GMDS: variants seen among roughly 807,000 people sequenced by gnomAD.
GMDS encodes GDP-mannose 4,6-dehydratase.
In GMDS, 20 loss-of-function variants were observed where a neutral mutation model predicts 49.9. That is an observed-to-expected ratio of 0.40 (90% CI 0.28 to 0.58). The LOEUF (loss-of-function observed/expected upper bound fraction) is 0.58, where lower values mean the gene tolerates loss of function less well. GMDS is among the 20% of genes least tolerant of loss of function. The pLI is 0.42. For synonymous variants in GMDS, 177 were observed against 178.6 expected, an observed-to-expected ratio of 0.99 and a Z score of 0.07; for missense variants, 362 against 481.4, an observed-to-expected ratio of 0.75 and a Z score of 2.32.
chr6:2,243,190 A>G (rs959607102), intron 1 of GMDS, among the ~76,000 whole-genome samples: 1 of 152,186 alleles, frequency 6.6e-6, no homozygotes, highest in African/African-American at 2.4e-5. Context: ...GAAATGAGGA[A>G]CCAAAAAATT....
At chr6:1,911,191 G>A (rs371565226) in intron 7 of GMDS, among the ~76,000 whole-genome samples, 14 of 152,178 alleles carry the variant, frequency 9.2e-5, no homozygotes, top group African/African-American at 2.4e-4. Flanking sequence ...ACTGATCCGC[G>A]TAACCAGAGC....
intron 1 of GMDS, among the ~76,000 whole-genome samples, chr6:2,198,671 A>C (rs1361621714): frequency 6.6e-6 from 1 of 152,252 alleles, no homozygotes; most frequent in African/African-American, 2.4e-5. Context: ...AAAATCAGAA[A>C]ATTATGTTTG....
At chr6:1,657,867 AAAG>A (rs1369902288) in intron 9 of GMDS, among the ~76,000 whole-genome samples, 12 of 146,468 alleles carry the variant, frequency 8.2e-5, no homozygotes, top group East Asian at 4.0e-4. Context: ...AAAAAAAAAA[AAAG>A]AAAAAGAAAA....
intron 6 of GMDS, among the ~76,000 whole-genome samples, chr6:1,953,744 A>T (rs1763481222): frequency 6.6e-6 from 1 of 152,212 alleles, no homozygotes; most frequent in South Asian, 2.1e-4. Context: ...TTATAGCATA[A>T]TCTTTAAGAG....
chr6:1,840,021 C>T (rs1463365822), intron 7 of GMDS, among the ~76,000 whole-genome samples: 1 of 152,180 alleles, frequency 6.6e-6, no homozygotes, highest in African/African-American at 2.4e-5. Flanking sequence ...GTTTCCTAGG[C>T]AGAAAATGCC....
At chr6:1,880,891 C>G (rs1759329796) in intron 7 of GMDS, among the ~76,000 whole-genome samples, 1 of 151,958 alleles carries the variant, frequency 6.6e-6, no homozygotes, top group Non-Finnish European at 1.5e-5. Context: ...AAATGAATAT[C>G]ACTACTAGAT....
At chr6:1,707,780 C>A (rs987803572) in intron 9 of GMDS, among the ~76,000 whole-genome samples, 1 of 152,222 alleles carries the variant, frequency 6.6e-6, no homozygotes, top group South Asian at 2.1e-4. Flanking sequence ...TTGGAAAGTG[C>A]GCTTGCACTG....
chr6:2,205,776 T>G (rs373583845), intron 1 of GMDS, among the ~76,000 whole-genome samples: 348 of 151,970 alleles, frequency 2.3e-3, no homozygotes, highest in Middle Eastern at 0.01. Context: ...GGTGTGTGTG[T>G]GGGGGGGGAG....
intron 1 of GMDS, among the ~76,000 whole-genome samples, chr6:2,227,855 T>C (rs576928987): frequency 5.2e-4 from 79 of 152,290 alleles, no homozygotes; most frequent in Non-Finnish European, 9.7e-4. Flanking sequence ...TGTCCAGACA[T>C]AGGCTCTCCT....
At position 2,223,691 on chromosome 6, in the gene GMDS, T is replaced by A. The variant is rs567174778; in HGVS notation, c.102+21630A>T. On this transcript the variant is annotated intron_variant, in intron 1 of 10. Transcript: ENST00000380815. The stretch of plus-strand genomic sequence containing the variant: ...AAGATTTCTGACTTTGGCTCCCAAA[T>A]GGATTGTGGTCCTGCTTTGAAATAG... Among the ~76,000 whole-genome samples, 3 of 152,142 alleles carry A rather than the reference T, an allele frequency of 2.0e-5. No individual in the cohort carries two copies. The South Asian group carries it at 6.2e-4, about 32-fold the overall frequency.
intron 6 of GMDS, among the ~76,000 whole-genome samples, chr6:1,938,572 T>C (rs1762658170): frequency 6.6e-6 from 1 of 152,150 alleles, no homozygotes. Flanking sequence ...ATGTAATGTC[T>C]TTTTTTCTCC....
chr6:2,054,949 T>G (rs982039164), intron 4 of GMDS, among the ~76,000 whole-genome samples: 1 of 152,050 alleles, frequency 6.6e-6, no homozygotes, highest in East Asian at 1.9e-4. Context: ...ATCAAGGTTA[T>G]ACAGAAAAAT....
chr6:2,001,901 A>T (rs1766840098), intron 4 of GMDS, among the ~76,000 whole-genome samples: 1 of 152,112 alleles, frequency 6.6e-6, no homozygotes, highest in Non-Finnish European at 1.5e-5. Flanking sequence ...TGGATCTAAG[A>T]CCTAAATGTA....
intron 7 of GMDS, among the ~76,000 whole-genome samples, chr6:1,816,351 G>A (rs1400623665): frequency 1.3e-5 from 2 of 152,136 alleles, no homozygotes; most frequent in African/African-American, 2.4e-5. Flanking sequence ...GATTCAGAGA[G>A]CTTATTTAGG....
At chr6:2,101,159 T>C (rs1773901992) in intron 4 of GMDS, among the ~76,000 whole-genome samples, 1 of 151,904 alleles carries the variant, frequency 6.6e-6, no homozygotes, top group African/African-American at 2.4e-5. Context: ...AAAACAGTTT[T>C]TTACTGGCTA....
At chr6:1,938,447 AG>A (rs1301437770) in intron 6 of GMDS, among the ~76,000 whole-genome samples, 1 of 152,224 alleles carries the variant, frequency 6.6e-6, no homozygotes, top group African/African-American at 2.4e-5. Context: ...GCACAGTTCA[AG>A]GTTGAAAATT....
chr6:2,046,646 GA>G (rs1227543856), intron 4 of GMDS, among the ~76,000 whole-genome samples: 2 of 151,960 alleles, frequency 1.3e-5, no homozygotes, highest in East Asian at 3.9e-4. Context: ...TTTTTTTGTG[GA>G]GATGAGGTTT....
At chr6:2,231,340 C>T (rs911440970) in intron 1 of GMDS, among the ~76,000 whole-genome samples, 5 of 152,072 alleles carry the variant, frequency 3.3e-5, no homozygotes, top group African/African-American at 1.2e-4. Context: ...GGGCGGATGG[C>T]TTGAGCTCAC....
intron 1 of GMDS, among the ~76,000 whole-genome samples, chr6:2,225,394 C>T (rs1780771068): frequency 6.6e-6 from 1 of 152,088 alleles, no homozygotes; most frequent in Non-Finnish European, 1.5e-5. Flanking sequence ...GACAGAGGTG[C>T]CCCCTAACTT....
Sources: allele counts gnomAD v4.1 joint callset (sites outside exome capture counted in the v4.1 genomes callset), GRCh38; gene constraint gnomAD v4.1.1; transcripts MANE v1.5; gene names NCBI Gene and HGNC (gene_info 2026-07-23, HGNC 2026-07-21).